DLG2: variants seen among roughly 807,000 people sequenced by gnomAD.
DLG2 encodes discs large MAGUK scaffold protein 2.
In DLG2, 45 loss-of-function variants were observed where a neutral mutation model predicts 132.5. The observed-to-expected ratio is 0.34, with a 90% CI of 0.27 to 0.44. The LOEUF (loss-of-function observed/expected upper bound fraction) is 0.44. Among genes scored for constraint, DLG2 ranks in the 20% least tolerant of loss-of-function variants. DLG2 has a pLI of 1.00. For synonymous variants in DLG2, 424 were observed against 419.6 expected (o/e 1.01, Z -0.13); for missense variants, 1,045 against 1,196.9 (o/e 0.87, Z 1.87).
intron 2 of DLG2, among the ~76,000 whole-genome samples, chr11:85,621,161 C>T (rs780874135): frequency 4.0e-5 from 6 of 151,854 alleles, no homozygotes; most frequent in Admixed American, 1.3e-4. Flanking sequence ...ACAGCACATC[C>T]GTTTACAGCA....
At chr11:84,623,732 A>G (rs961756081) in intron 6 of DLG2, among the ~76,000 whole-genome samples, 1 of 152,164 alleles carries the variant, frequency 6.6e-6, no homozygotes, top group African/African-American at 2.4e-5. Context: ...AACAAATGCA[A>G]TGTTAATGTA....
chr11:84,410,554 T>C (rs1217532517), intron 7 of DLG2, among the ~76,000 whole-genome samples: 2 of 151,686 alleles, frequency 1.3e-5, no homozygotes, highest in Non-Finnish European at 2.9e-5. Flanking sequence ...TAAACAATCA[T>C]TTTTTAAAAA....
chr11:84,858,598 A>G (rs2083115699), intron 6 of DLG2, among the ~76,000 whole-genome samples: 1 of 152,106 alleles, frequency 6.6e-6, no homozygotes, highest in South Asian at 2.1e-4. Context: ...TTAGAATCCC[A>G]AACTCCTGGC....
chr11:84,674,004 G>T (rs2153696739), intron 6 of DLG2, among the ~76,000 whole-genome samples: 1 of 152,302 alleles, frequency 6.6e-6, no homozygotes, highest in Middle Eastern at 3.4e-3. Context: ...TGAATCATCA[G>T]TTTATAAGAG....
chr11:84,370,568 G>T (rs2098702174), intron 7 of DLG2, among the ~76,000 whole-genome samples: 1 of 152,174 alleles, frequency 6.6e-6, no homozygotes, highest in South Asian at 2.1e-4. Flanking sequence ...ACCACAGTGT[G>T]TGGTGTACAG....
intron 6 of DLG2, among the ~76,000 whole-genome samples, chr11:84,892,458 G>T (rs1202440108): frequency 6.6e-6 from 1 of 151,904 alleles, no homozygotes; most frequent in Admixed American, 6.6e-5. Context: ...CTAGTACCTG[G>T]CTCATAACTG....
chr11:84,031,168 C>T (rs1223412175), intron 11 of DLG2, among the ~76,000 whole-genome samples: 1 of 151,010 alleles, frequency 6.6e-6, no homozygotes, highest in Non-Finnish European at 1.5e-5. Flanking sequence ...TACAATTATA[C>T]CACCCATAAA....
chr11:83,565,647 G>A (rs193067859), intron 19 of DLG2, among the ~76,000 whole-genome samples: 21 of 152,232 alleles, frequency 1.4e-4, no homozygotes, highest in African/African-American at 4.6e-4. Flanking sequence ...GTTTTCTACA[G>A]GGCCATCAGA....
intron 3 of DLG2, among the ~76,000 whole-genome samples, chr11:85,539,570 T>G (rs1473136785): frequency 6.6e-6 from 1 of 152,144 alleles, no homozygotes; most frequent in Non-Finnish European, 1.5e-5. Flanking sequence ...CTGGAGCTAG[T>G]TACTGATGAT....
intron 6 of DLG2, among the ~76,000 whole-genome samples, chr11:84,835,631 CCTT>C (rs2079652104): frequency 6.6e-6 from 1 of 151,718 alleles, no homozygotes; most frequent in African/African-American, 2.4e-5. Flanking sequence ...CACAAATTCT[CCTT>C]CTCAGCCTTC....
At chr11:84,729,916 C>G (rs911604090) in intron 6 of DLG2, among the ~76,000 whole-genome samples, 1 of 151,904 alleles carries the variant, frequency 6.6e-6, no homozygotes, top group African/African-American at 2.4e-5. Flanking sequence ...CCAGCCTATT[C>G]GTTCTGAATC....
At chr11:84,884,156 C>T (rs1006473981) in intron 6 of DLG2, among the ~76,000 whole-genome samples, 17 of 151,972 alleles carry the variant, frequency 1.1e-4, no homozygotes, top group African/African-American at 3.4e-4. Context: ...TCTTGCTTTC[C>T]GAGGGTGATT....
intron 6 of DLG2, among the ~76,000 whole-genome samples, chr11:84,596,326 G>A (rs944909419): frequency 6.0e-5 from 9 of 150,940 alleles, no homozygotes; most frequent in African/African-American, 2.2e-4. Context: ...TCCTGCCTCA[G>A]CCTCCTAAGT....
intron 7 of DLG2, among the ~76,000 whole-genome samples, chr11:84,294,668 C>T (rs893399616): frequency 7.2e-5 from 11 of 152,056 alleles, no homozygotes; most frequent in South Asian, 2.1e-4. Flanking sequence ...AGGAATATAA[C>T]GCCATATTTT....
chr11:84,130,753 AACT>A (rs1480311057), intron 9 of DLG2, among the ~76,000 whole-genome samples: 1 of 151,798 alleles, frequency 6.6e-6, no homozygotes, highest in East Asian at 1.9e-4. Flanking sequence ...GACAAAACCA[AACT>A]ACAGGGTAAA....
At chr11:85,297,589 T>G (rs183386661) in intron 3 of DLG2, among the ~76,000 whole-genome samples, 2 of 152,236 alleles carry the variant, frequency 1.3e-5, no homozygotes, top group African/African-American at 4.8e-5. Flanking sequence ...CTTCTCGTAT[T>G]TTCTTCTTTC....
chr11:85,417,494 G>T (rs751760436), intron 3 of DLG2, among the ~76,000 whole-genome samples: 5 of 152,090 alleles, frequency 3.3e-5, no homozygotes, highest in Admixed American at 6.6e-5. Context: ...TTTTTCTATT[G>T]GTTGGAATAG....
intron 5 of DLG2, among the ~76,000 whole-genome samples, chr11:85,124,841 T>G (rs2074876975): frequency 6.6e-6 from 1 of 152,040 alleles, no homozygotes; most frequent in Non-Finnish European, 1.5e-5. Flanking sequence ...AAAATTTTTT[T>G]TTTTTTTGAG....
chr11:85,218,121 A>G (rs1456066075), intron 4 of DLG2, among the ~76,000 whole-genome samples: 3 of 152,174 alleles, frequency 2.0e-5, no homozygotes, highest in Non-Finnish European at 2.9e-5. Context: ...TGAGTTTTCT[A>G]TCCTGTTCCA....
Sources: gnomAD v4.1 joint callset for allele counts (sites outside exome capture counted in the v4.1 genomes callset) on GRCh38, gnomAD v4.1.1 for gene constraint, MANE v1.5 for transcripts, NCBI Gene and HGNC (gene_info 2026-07-23, HGNC 2026-07-21) for gene names.